The following KCTD16 variants were observed in gnomAD, a reference collection of about 807,000 sequenced individuals.
The protein encoded by KCTD16 is BTB/POZ domain-containing protein KCTD16.
In KCTD16, 13 loss-of-function variants were observed where a neutral mutation model predicts 33.2. That is an observed-to-expected ratio of 0.39 (90% confidence interval 0.25 to 0.62). The LOEUF (loss-of-function observed/expected upper bound fraction) is 0.62, where lower values mean the gene tolerates loss of function less well. Ranked by LOEUF, KCTD16 falls within the 20% of genes least tolerant of loss-of-function variation. The pLI, the probability that KCTD16 is intolerant of heterozygous loss-of-function variation, is 0.50. For synonymous variants in KCTD16, 197 were observed against 195.3 expected (o/e 1.01, Z -0.07); for missense variants, 441 against 525.1 (o/e 0.84, Z 1.57).
chr5:144,430,725 C>G (rs1370450665), intron 3 of KCTD16, among the ~76,000 whole-genome samples: 1 of 152,080 alleles, frequency 6.6e-6, no homozygotes, highest in Non-Finnish European at 1.5e-5. Flanking sequence ...CAGGATTTTT[C>G]CATGTGACAG....
At chr5:144,210,056 C>T (rs1753325854) in intron 3 of KCTD16, among the ~76,000 whole-genome samples, 2 of 151,736 alleles carry the variant, frequency 1.3e-5, no homozygotes, top group Admixed American at 6.6e-5. Context: ...TAGTGCATAG[C>T]ATGATGGTTC....
chr5:144,194,394 T>C (rs907886483), intron 2 of KCTD16, among the ~76,000 whole-genome samples: 1 of 152,234 alleles, frequency 6.6e-6, no homozygotes, highest in Non-Finnish European at 1.5e-5. Flanking sequence ...AGGCTCTGCA[T>C]CCTCAAGGGA....
chr5:144,312,097 G>A (rs1195881134), intron 3 of KCTD16, among the ~76,000 whole-genome samples: 1 of 152,150 alleles, frequency 6.6e-6, no homozygotes, highest in Non-Finnish European at 1.5e-5. Flanking sequence ...TTTGCTAGAT[G>A]GCTCACAAAC....
At chr5:144,302,348 T>C (rs1751464592) in intron 3 of KCTD16, among the ~76,000 whole-genome samples, 1 of 152,182 alleles carries the variant, frequency 6.6e-6, no homozygotes, top group Non-Finnish European at 1.5e-5. Context: ...CAAGAATATA[T>C]GTTGTCACAG....
chr5:144,339,665 T>A (rs1308826748), intron 3 of KCTD16, among the ~76,000 whole-genome samples: 1 of 152,172 alleles, frequency 6.6e-6, no homozygotes, highest in African/African-American at 2.4e-5. Flanking sequence ...TACAGGATAT[T>A]TTAGCTGAAA....
At chr5:144,277,199 G>A (rs1026821423) in intron 3 of KCTD16, among the ~76,000 whole-genome samples, 1 of 152,136 alleles carries the variant, frequency 6.6e-6, no homozygotes, top group Non-Finnish European at 1.5e-5. Flanking sequence ...CAATTGCATA[G>A]TTCTTTGTGC....
intron 3 of KCTD16, among the ~76,000 whole-genome samples, chr5:144,353,239 C>T (rs1359753540): frequency 6.6e-6 from 1 of 152,148 alleles, no homozygotes; most frequent in Non-Finnish European, 1.5e-5. Context: ...ACATGGGTCT[C>T]CTTTGTGTTG....
chr5:144,191,909 A>G (rs1264701189), intron 2 of KCTD16, among the ~76,000 whole-genome samples: 1 of 152,032 alleles, frequency 6.6e-6, no homozygotes, highest in African/African-American at 2.4e-5. Flanking sequence ...TATGGTCAAT[A>G]CAAGTGAATT....
chr5:144,416,520 C>T (rs1421597079), intron 3 of KCTD16, among the ~76,000 whole-genome samples: 1 of 152,144 alleles, frequency 6.6e-6, no homozygotes. Flanking sequence ...AATATGTTTA[C>T]TAAAGATACT....
At chr5:144,350,077 G>A (rs755693030) in intron 3 of KCTD16, among the ~76,000 whole-genome samples, 1 of 152,168 alleles carries the variant, frequency 6.6e-6, no homozygotes, top group Non-Finnish European at 1.5e-5. Flanking sequence ...GGACTCCCCA[G>A]TTTGGGCCAC....
rs1287557258 is a variant in KCTD16, at chr5:144,480,301, T to C, written c.*6187T>C. The C allele has an allele frequency of 6.6e-6, 1 of 150,480 alleles. No homozygotes were observed. The highest frequency in any genetic ancestry group is 1.5e-5 in the Non-Finnish European group (1 of 67,706). The allele number at this position is 150,480 out of a possible 1,614,324, so 9.3% of individuals were successfully genotyped here. On this transcript the variant is annotated 3_prime_UTR_variant, in exon 4 of 4. Coordinates refer to ENST00000512467, the MANE Select transcript of KCTD16 (RefSeq NM_020768.4). ...TTAGTTCAGCACAATAGTTTGTCTC[T>C]ACTGTGGATGTCAGTCCTTGAGAAT...
chr5:144,466,608 T>C (rs1754338074), intron 3 of KCTD16, among the ~76,000 whole-genome samples: 1 of 152,098 alleles, frequency 6.6e-6, no homozygotes, highest in African/African-American at 2.4e-5. Flanking sequence ...ATATCCCTCA[T>C]AGAAAATTTT....
At chr5:144,195,938 C>T (rs546711651) in intron 2 of KCTD16, among the ~76,000 whole-genome samples, 1 of 152,304 alleles carries the variant, frequency 6.6e-6, no homozygotes, top group East Asian at 1.9e-4. Context: ...TCATCACTTT[C>T]TCCTGTGTGC....
chr5:144,196,864 G>T (rs1201160830), intron 2 of KCTD16, among the ~76,000 whole-genome samples: 1 of 152,216 alleles, frequency 6.6e-6, no homozygotes, highest in East Asian at 1.9e-4. Flanking sequence ...TAGGGTAATT[G>T]TGAGATGTGC....
At chr5:144,216,111 G>A (rs1367070332) in intron 3 of KCTD16, among the ~76,000 whole-genome samples, 1 of 152,180 alleles carries the variant, frequency 6.6e-6, no homozygotes, top group African/African-American at 2.4e-5. Context: ...AACTTAAATT[G>A]TATATCTGAT....
At chr5:144,251,816 A>T (rs1754708738) in intron 3 of KCTD16, among the ~76,000 whole-genome samples, 1 of 152,196 alleles carries the variant, frequency 6.6e-6, no homozygotes, top group South Asian at 2.1e-4. Context: ...TTGAAAAGTT[A>T]GGTGTTCATT....
At chr5:144,356,672 G>A (rs1680140838) in intron 3 of KCTD16, among the ~76,000 whole-genome samples, 1 of 152,128 alleles carries the variant, frequency 6.6e-6, no homozygotes, top group Admixed American at 6.6e-5. Flanking sequence ...AACCACTGGA[G>A]ATATAATTGA....
intron 3 of KCTD16, among the ~76,000 whole-genome samples, chr5:144,393,975 T>C (rs1232757268): frequency 2.0e-5 from 3 of 150,394 alleles, no homozygotes; most frequent in Admixed American, 1.3e-4. Context: ...TTTTTTTTTT[T>C]TTTTTGTTTA....
chr5:144,319,516 A>G (rs1054423952), intron 3 of KCTD16, among the ~76,000 whole-genome samples: 2 of 152,230 alleles, frequency 1.3e-5, no homozygotes, highest in African/African-American at 4.8e-5. Flanking sequence ...AATATTTTAC[A>G]TTTGATAAAT....
Sources: allele counts gnomAD v4.1 joint callset (sites outside exome capture counted in the v4.1 genomes callset), GRCh38; gene constraint gnomAD v4.1.1; transcripts MANE v1.5; gene names NCBI Gene and HGNC (gene_info 2026-07-23, HGNC 2026-07-21).